The following XYLT1 variants were observed in gnomAD, a reference collection of about 807,000 sequenced individuals.
XYLT1 encodes the protein xylosyltransferase 1.
A neutral mutation model predicts 91.3 loss-of-function variants in XYLT1; 36 were observed. The observed-to-expected ratio is 0.39, with a 90% CI of 0.30 to 0.52. The LOEUF (loss-of-function observed/expected upper bound fraction) is 0.52. XYLT1 is among the 20% of genes least tolerant of loss of function. The pLI is 0.68. For missense variants in XYLT1, 1,242 were observed against 1,284.5 expected (o/e 0.97, Z 0.51); for synonymous variants, 588 against 532.0 (o/e 1.11, Z -1.45).
At chr16:17,239,854 CATTA>C (rs1263803468) in intron 3 of XYLT1, among the ~76,000 whole-genome samples, 2 of 152,152 alleles carry the variant, frequency 1.3e-5, no homozygotes, top group South Asian at 2.1e-4. Context: ...TTTATCCATC[CATTA>C]ATTGACTCAT....
At chr16:17,188,263 A>G (rs28475097) in intron 5 of XYLT1, among the ~76,000 whole-genome samples, 91,229 of 151,890 alleles carry the variant, frequency 0.6, 29,723 homozygotes, top group African/African-American at 0.85. Flanking sequence ...CACGGCAGCC[A>G]GTACGATCTC....
intron 1 of XYLT1, among the ~76,000 whole-genome samples, chr16:17,379,165 T>C (rs528409468): frequency 2.0e-5 from 3 of 152,272 alleles, no homozygotes; most frequent in East Asian, 3.9e-4. Context: ...AAGCAATCTT[T>C]CAAATGCTCC....
chr16:17,330,278 T>C (rs986304663), intron 2 of XYLT1, among the ~76,000 whole-genome samples: 16 of 152,246 alleles, frequency 1.1e-4, no homozygotes, highest in Non-Finnish European at 2.1e-4. Flanking sequence ...TGGGTTGGGC[T>C]CCCCAAGGTC....
At chr16:17,160,994 T>C (rs1246107821) in intron 5 of XYLT1, among the ~76,000 whole-genome samples, 4 of 152,160 alleles carry the variant, frequency 2.6e-5, no homozygotes, top group Admixed American at 1.3e-4. Context: ...AGTTAACCTC[T>C]GAATGGGTCC....
intron 1 of XYLT1, among the ~76,000 whole-genome samples, chr16:17,443,661 A>G (rs1262241573): frequency 6.6e-6 from 1 of 152,208 alleles, no homozygotes; most frequent in Non-Finnish European, 1.5e-5. Flanking sequence ...TACAGCATAT[A>G]TTAAGTTCCT....
At position 17,312,550 on chromosome 16, in the gene XYLT1, T is replaced by C. The variant is rs1210411726; in HGVS notation, c.402+45462A>G. Among the ~76,000 whole-genome samples the C allele has an allele frequency of 6.6e-6, 1 of 152,200 alleles. No homozygotes were observed. Among genetic ancestry groups the C allele is most frequent in the Non-Finnish European group, 1.5e-5 (1 of 68,030 alleles). On this transcript the variant is annotated intron_variant, in intron 2 of 11. Transcript: ENST00000261381. This position sits in a 1 kb window ranked among gnomAD's most constrained non-coding sequence, Gnocchi z 4.4. ...TCCCTCACCCAGCTTCCCCCAATGG[T>C]GACATCTTATGTAACTGCAGTGCAA...
intron 11 of XYLT1, among the ~76,000 whole-genome samples, chr16:17,113,149 T>C (rs1265939228): frequency 6.8e-6 from 1 of 148,144 alleles, no homozygotes; most frequent in Non-Finnish European, 1.5e-5. Context: ...TATTTATTTA[T>C]TGTTTTGGAG....
intron 3 of XYLT1, among the ~76,000 whole-genome samples, chr16:17,241,155 T>TAATC (rs2033339495): frequency 6.6e-6 from 1 of 152,234 alleles, no homozygotes; most frequent in African/African-American, 2.4e-5. Context: ...AATGCATTAT[T>TAATC]AATCAGCCAC....
At position 17,206,096 on chromosome 16, in the gene XYLT1, C is replaced by T. The variant is rs1353250953; in HGVS notation, c.914-5442G>A. On this transcript the variant is annotated intron_variant, in intron 3 of 11. Transcript: ENST00000261381. ...CACTGTGTGGATTTAGGAAAGACAC[C>T]GCCCCTCTCTGATTGTCAGTTCTTC... Among the ~76,000 whole-genome samples, 3 of 152,156 alleles carry T rather than the reference C, an allele frequency of 2.0e-5. No homozygotes were observed. In the South Asian group the frequency reaches 6.2e-4, roughly 32 times the overall value.
intron 6 of XYLT1, among the ~76,000 whole-genome samples, chr16:17,146,978 C>T (rs1412208475): frequency 1.3e-5 from 2 of 152,172 alleles, no homozygotes; most frequent in Admixed American, 6.5e-5. Context: ...ACAGAGCAGT[C>T]CTCTCTGTGT....
chr16:17,175,127 A>T (rs1466320), intron 5 of XYLT1, among the ~76,000 whole-genome samples: 1 of 152,156 alleles, frequency 6.6e-6, no homozygotes, highest in South Asian at 2.1e-4. Context: ...TAAAAATATG[A>T]CAGTTGAACC....
intron 2 of XYLT1, among the ~76,000 whole-genome samples, chr16:17,332,417 C>A (rs2034911061): frequency 6.6e-6 from 1 of 152,046 alleles, no homozygotes; most frequent in Non-Finnish European, 1.5e-5. Flanking sequence ...CAAAAATTAG[C>A]CGGGCGTGGT....
At chr16:17,333,876 C>T (rs1453766927) in intron 2 of XYLT1, among the ~76,000 whole-genome samples, 1 of 152,088 alleles carries the variant, frequency 6.6e-6, no homozygotes, top group Non-Finnish European at 1.5e-5. Flanking sequence ...CTGTGAGCCA[C>T]ACGCCCGGCC....
chr16:17,198,984 T>A (rs1451439548), intron 4 of XYLT1, among the ~76,000 whole-genome samples: 1 of 152,190 alleles, frequency 6.6e-6, no homozygotes, highest in Non-Finnish European at 1.5e-5. Context: ...CCTCAGGTGA[T>A]CCGCCCACCT....
chr16:17,361,330 G>A lies in XYLT1; in HGVS notation c.364-3280C>T, dbSNP rs534313975. Among the ~76,000 whole-genome samples, 5 of 152,228 alleles carry A rather than the reference G, an allele frequency of 3.3e-5. No homozygotes were observed. In the East Asian group the frequency reaches 7.7e-4, roughly 24 times the overall value. On this transcript the variant is annotated intron_variant, in intron 1 of 11. Transcript: ENST00000261381. ...CAGCCACGCCCCGCCTAGATCAGCC[G>A]ACCCCCTGCCAACACAGAGAAAATA...
At chr16:17,406,877 T>A (rs2036040484) in intron 1 of XYLT1, among the ~76,000 whole-genome samples, 2 of 152,352 alleles carry the variant, frequency 1.3e-5, no homozygotes, top group South Asian at 4.1e-4. Context: ...GGCCCTGGGT[T>A]GGGTGTGGTA....
chr16:17,109,004 C>T lies in XYLT1; in HGVS notation c.2571G>A (p.Lys857=), dbSNP rs370964557. ...RQPIKPEEAL[K]LHNGPLRNAY... ...CATTGCGGAGGGGCCCATTGTGCAG[C>T]TTCAGTGCCTCCTCTGAAAGCCAAA... The change falls in exon 12 of 12, where the codon AAG becomes AAA. Residue 857 remains lysine (K), a synonymous_variant. Transcript: ENST00000261381. 6.6e-7 allele frequency: 1 copy of T among 1,518,102 alleles called. No individual in the cohort carries two copies. Among genetic ancestry groups the T allele is most frequent in the African/African-American group, 1.4e-5 (1 of 72,846 alleles). The allele number at this position is 1,518,102 out of a possible 1,614,324, so 94.0% of individuals were successfully genotyped here.
intron 2 of XYLT1, among the ~76,000 whole-genome samples, chr16:17,300,861 C>A (rs960908129): frequency 1.3e-5 from 2 of 152,218 alleles, no homozygotes; most frequent in East Asian, 3.9e-4. Flanking sequence ...CAAAATAACA[C>A]GTACAGTTTG....
At chr16:17,251,029 C>A (rs935616357) in intron 3 of XYLT1, 3 of 152,230 alleles carry the variant, frequency 2.0e-5, no homozygotes, top group Non-Finnish European at 2.9e-5. Context: ...CCCTCCACTG[C>A]GGCTGTCAGC....
Sources: allele counts gnomAD v4.1 joint callset (sites outside exome capture counted in the v4.1 genomes callset), GRCh38; gene constraint gnomAD v4.1.1; non-coding constraint Gnocchi (gnomAD v3.1); transcripts MANE v1.5; gene names NCBI Gene and HGNC (gene_info 2026-07-23, HGNC 2026-07-21).